TRIM26: variants seen among roughly 807,000 people sequenced by gnomAD.
TRIM26 encodes tripartite motif-containing protein 26.
A neutral mutation model predicts 45.5 loss-of-function variants in TRIM26; 16 were observed. That is an observed-to-expected ratio of 0.35 (90% CI 0.24 to 0.53). TRIM26 has a LOEUF of 0.53. Among genes scored for constraint, TRIM26 ranks in the 20% least tolerant of loss-of-function variants. The pLI is 0.92. For missense variants in TRIM26, 442 were observed against 691.1 expected, an observed-to-expected ratio of 0.64 and a Z score of 4.04; for synonymous variants, 273 against 290.4, an observed-to-expected ratio of 0.94 and a Z score of 0.61.
intron 2 of TRIM26, among the ~76,000 whole-genome samples, chr6:30,203,991 T>C (rs1371489006): frequency 6.6e-6 from 1 of 152,198 alleles, no homozygotes; most frequent in African/African-American, 2.4e-5. Context: ...ATCATGGTGC[T>C]TGACACCTTG....
chr6:30,190,255 A>G lies in TRIM26; in HGVS notation c.766-220T>C, dbSNP rs1775687507. The G allele has an allele frequency of 1.6e-6, 1 of 611,234 alleles. No individual in the cohort carries two copies. The highest frequency in any genetic ancestry group is 2.9e-6 in the Non-Finnish European group (1 of 343,568). 37.9% of individuals were successfully genotyped at this position (611,234 alleles called of 1,614,324 possible). A position where few individuals can be genotyped will look rare whatever the true frequency, so the allele number is the denominator to read the frequency against. ...GAAGCCACAATGGCTGGGAGATGAC[A>G]TGGGCAACCTCTCTGGGAGATACCT... is the stretch of plus-strand genomic sequence containing the variant. On this transcript the variant is annotated intron_variant, in intron 6 of 9. Coordinates refer to ENST00000454678, the MANE Select transcript of TRIM26 (RefSeq NM_003449.5). The surrounding 1 kb of genome is among the most constrained non-coding windows in gnomAD (Gnocchi z 4.3).
Position 30,196,636 on chromosome 6 carries a change from C to T in TRIM26, c.645G>A (p.Gln215=), listed in dbSNP as rs780179362. 2 of 1,614,214 alleles carry T rather than the reference C, an allele frequency of 1.2e-6. No individual in the cohort carries two copies. Among genetic ancestry groups the T allele is most frequent in the South Asian group, 1.1e-5 (1 of 91,084 alleles). ...HLLEQLAKLE[Q]ELTEGREKFK... ...ACTTCTCCCTGCCCTCCGTGAGCTC[C>T]TGCTCCAGCTTCGCCAGCTGTTCCA... Residue 215 remains glutamine (Q), a synonymous_variant, in exon 6 of 10, where the codon CAG becomes CAA. Transcript: ENST00000454678. The surrounding 1 kb of genome is among the most constrained non-coding windows in gnomAD (Gnocchi z 4.9).
chr6:30,186,091 C>G lies in TRIM26; in HGVS notation c.1405G>C (p.Gly469Arg). Residue 469 changes from glycine to arginine, a missense_variant, in exon 10 of 10, where the codon GGC becomes CGC. Transcript: ENST00000454678. The surrounding 1 kb of genome is among the most constrained non-coding windows in gnomAD (Gnocchi z 7.4). ...GVWALRLSSS[G>R]IWANTSPEAE... is the part of the protein sequence containing the mutation. ...TCGGGGCTGGTGTTGGCCCAGATGC[C>G]GGAGGAGGAGAGGCGCAGCGCCCAC... is the stretch of plus-strand genomic sequence containing the variant. 3 of 1,592,558 alleles carry G rather than the reference C, an allele frequency of 1.9e-6. No individual in the cohort carries two copies. The highest frequency in any genetic ancestry group is 2.6e-6 in the Non-Finnish European group (3 of 1,169,446).
Position 30,209,518 on chromosome 6 carries a change from C to T in TRIM26, c.-376+3787G>A, listed in dbSNP as rs1337509989. Among the ~76,000 whole-genome samples the T allele has an allele frequency of 2.0e-5, 3 of 152,196 alleles. No homozygotes were observed. Among genetic ancestry groups the T allele is most frequent in the Non-Finnish European group, 2.9e-5 (2 of 67,988 alleles). Reference sequence around the variant, plus strand: ...CTTGCAAGAGTCCATTGGCCAGAACCGTGAGCTGAATAAACATCTGTTGTT... The same window carrying T: ...CTTGCAAGAGTCCATTGGCCAGAACTGTGAGCTGAATAAACATCTGTTGTT... On this transcript the variant is annotated intron_variant, in intron 1 of 9. Coordinates refer to ENST00000454678, the MANE Select transcript of TRIM26 (RefSeq NM_003449.5). The surrounding 1 kb of genome is among the most constrained non-coding windows in gnomAD (Gnocchi z 4.8).
At chr6:30,187,917 C>CA (rs34936729) in intron 9 of TRIM26, among the ~76,000 whole-genome samples, 1,829 of 43,428 alleles carry the variant, frequency 0.042, 65 homozygotes, top group Non-Finnish European at 0.062. Flanking sequence ...GACTCCATCT[C>CA]AAAAAAAAAA....
At chr6:30,213,231 T>C (rs1326453765) in intron 1 of TRIM26, 74 bp downstream of exon 1, 1 of 152,230 alleles carries the variant, frequency 6.6e-6, no homozygotes, top group African/African-American at 2.4e-5. Flanking sequence ...GGCGGCTGCG[T>C]TGGGTCGCCC....
In TRIM26 at chr6:30,209,927, C is replaced by A. The variant is rs1032130436; in HGVS notation, c.-376+3378G>T. ...GCTGAGGTCAAAACTGCACAGGTGG[C>A]CGGGCACGGTGCCTCACGCCTGTAA... is the stretch of plus-strand genomic sequence containing the variant. On this transcript the variant is annotated intron_variant, in intron 1 of 9. Coordinates refer to ENST00000454678, the MANE Select transcript of TRIM26 (RefSeq NM_003449.5). The surrounding 1 kb of genome is among the most constrained non-coding windows in gnomAD (Gnocchi z 4.8). Among the ~76,000 whole-genome samples the A allele has an allele frequency of 3.9e-5, 6 of 152,134 alleles. No homozygotes were observed. The highest frequency in any genetic ancestry group is 1.4e-4 in the African/African-American group (6 of 41,436).
intron 2 of TRIM26, among the ~76,000 whole-genome samples, chr6:30,201,379 G>A (rs1157462141): frequency 6.6e-6 from 1 of 152,206 alleles, no homozygotes; most frequent in Non-Finnish European, 1.5e-5. Context: ...GATTCTTATA[G>A]TGCTGATAAT....
chr6:30,198,681 G>A lies in TRIM26; in HGVS notation c.423C>T (p.Ala141=), dbSNP rs569265754. The part of the protein sequence containing the change: ...RPHTAVLMEK[A]AQPHREKILN... ...GAGGGCTTACCCTGTGGGGCTGGGCGGCCTTCTCCATGAGGACGGCCGTGT... is the reference window on the plus strand; with the variant it reads ...GAGGGCTTACCCTGTGGGGCTGGGCAGCCTTCTCCATGAGGACGGCCGTGT... The change falls in exon 4 of 10, where the codon GCC becomes GCT. Residue 141 remains alanine, a synonymous_variant. Coordinates refer to ENST00000454678, the MANE Select transcript of TRIM26 (RefSeq NM_003449.5). This position sits in a 1 kb window ranked among gnomAD's most constrained non-coding sequence, Gnocchi z 6.3. The A allele has an allele frequency of 3.0e-4, 474 of 1,604,506 alleles. No homozygotes were observed. The South Asian group carries it at 4.3e-3, about 15-fold the overall frequency.
In TRIM26 at chr6:30,207,288, A is replaced by AT. The variant is rs960344825; in HGVS notation, c.-375-2524dup. Among the ~76,000 whole-genome samples the AT allele has an allele frequency of 2.0e-5, 3 of 152,218 alleles. No homozygotes were observed. Among genetic ancestry groups the AT allele is most frequent in the African/African-American group, 7.2e-5 (3 of 41,458 alleles). ...GTTATTCAACAGCTAGCAGATGTTT[A>AT]TTAGGTGCCGACTATGTGTCAGGCA... On this transcript the variant is annotated intron_variant, in intron 1 of 9. Coordinates refer to ENST00000454678, the MANE Select transcript of TRIM26 (RefSeq NM_003449.5). The surrounding 1 kb of genome is among the most constrained non-coding windows in gnomAD (Gnocchi z 4.9).
chr6:30,186,176 C>T lies in TRIM26; in HGVS notation c.1320G>A (p.Gly440=), dbSNP rs1775150324. Residue 440 remains glycine, a synonymous_variant, in exon 10 of 10, where the codon GGG becomes GGA. Coordinates refer to ENST00000454678, the MANE Select transcript of TRIM26 (RefSeq NM_003449.5). This position sits in a 1 kb window ranked among gnomAD's most constrained non-coding sequence, Gnocchi z 7.4. ...TCCTCTTCACAGAGTCTCTAGCCAC[C>T]CCCACCATGCAGCTTTCCAGAACTT... ...EEEVLESCMV[G]VARDSVKRKG... The T allele has an allele frequency of 1.3e-6, 2 of 1,597,244 alleles. No individual in the cohort carries two copies. Among genetic ancestry groups the T allele is most frequent in the Middle Eastern group, 1.6e-4 (1 of 6,068 alleles).
In TRIM26 at chr6:30,186,743, T is replaced by C. The variant is rs1775239003; in HGVS notation, c.938-185A>G. 2.0e-6 allele frequency: 2 copies of C among 998,134 alleles called. No individual in the cohort carries two copies. Among genetic ancestry groups the C allele is most frequent in the Non-Finnish European group, 2.9e-6 (2 of 678,500 alleles). 61.8% of individuals were successfully genotyped at this position (998,134 alleles called of 1,614,324 possible). ...CACATTTTCTGGCTTTGTATTCTGCTAAATCACCATAACTAAACTGCTTTA... is the reference window on the plus strand; with the variant it reads ...CACATTTTCTGGCTTTGTATTCTGCCAAATCACCATAACTAAACTGCTTTA... On this transcript the variant is annotated intron_variant, in intron 9 of 9. Transcript: ENST00000454678. This position sits in a 1 kb window ranked among gnomAD's most constrained non-coding sequence, Gnocchi z 7.4.
rs1776850092 is a variant in TRIM26, at chr6:30,199,262, C to T, written c.-159G>A. 1 of 607,476 alleles carries T rather than the reference C, an allele frequency of 1.6e-6. No individual in the cohort carries two copies. The highest frequency in any genetic ancestry group is 2.8e-6 in the Non-Finnish European group (1 of 359,220). 37.6% of individuals were successfully genotyped at this position (607,476 alleles called of 1,614,324 possible). A position where few individuals can be genotyped will look rare whatever the true frequency, so the allele number is the denominator to read the frequency against. ...TCAGTCAATCGACAGACACCACCAG[C>T]TCCTACAAGGTTCACACAATGTCAA... On this transcript the variant is annotated splice_region_variant and 5_prime_UTR_variant, in exon 4 of 10. Coordinates refer to ENST00000454678, the MANE Select transcript of TRIM26 (RefSeq NM_003449.5).
chr6:30,195,950 A>G (rs1176035473), intron 6 of TRIM26, among the ~76,000 whole-genome samples: 1 of 151,968 alleles, frequency 6.6e-6, no homozygotes, highest in Non-Finnish European at 1.5e-5. Context: ...CTTTCTCACT[A>G]TCAAAGCCCC....
chr6:30,189,793 G>A lies in TRIM26; in HGVS notation c.788+220C>T, dbSNP rs1186544109. On this transcript the variant is annotated intron_variant, in intron 7 of 9. Coordinates refer to ENST00000454678, the MANE Select transcript of TRIM26 (RefSeq NM_003449.5). This position sits in a 1 kb window ranked among gnomAD's most constrained non-coding sequence, Gnocchi z 5.0. Reference sequence around the variant, plus strand: ...CTGTCCCACCTCAAATAAGGCCAGTGGGCCAAGGAGCTGGGGCTACACAGA... The same window carrying A: ...CTGTCCCACCTCAAATAAGGCCAGTAGGCCAAGGAGCTGGGGCTACACAGA... 4.6e-6 allele frequency: 3 copies of A among 646,500 alleles called. No homozygotes were observed. The highest frequency in any genetic ancestry group is 7.9e-6 in the Non-Finnish European group (3 of 379,466). The allele number at this position is 646,500 out of a possible 1,614,324, so 40.0% of individuals were successfully genotyped here.
intron 1 of TRIM26, among the ~76,000 whole-genome samples, chr6:30,208,243 TAGAG>T (rs1044817713): frequency 3.3e-5 from 5 of 152,160 alleles, no homozygotes; most frequent in African/African-American, 9.7e-5. Context: ...AGTAAATTGG[TAGAG>T]AGAGAAGCAA....
rs1774968387 is a variant in TRIM26 at position 30,184,694 on chromosome 6, A to T, written c.*1182T>A. On this transcript the variant is annotated 3_prime_UTR_variant, in exon 10 of 10. Transcript: ENST00000454678. ...AGCCGTTGGAACAGTCTCTTAGAACAGGGTGGAGGACTTAAAACTTGGATG... is the reference window on the plus strand; with the variant it reads ...AGCCGTTGGAACAGTCTCTTAGAACTGGGTGGAGGACTTAAAACTTGGATG... The T allele has an allele frequency of 6.5e-6, 1 of 152,806 alleles. No individual in the cohort carries two copies. Among genetic ancestry groups the T allele is most frequent in the African/African-American group, 2.4e-5 (1 of 41,460 alleles). 9.5% of individuals were successfully genotyped at this position (152,806 alleles called of 1,614,324 possible).
At chr6:30,203,129 G>A (rs1117488) in intron 2 of TRIM26, among the ~76,000 whole-genome samples, 4 of 147,252 alleles carry the variant, frequency 2.7e-5, no homozygotes, top group Non-Finnish European at 5.9e-5. Context: ...CTGCAACCTC[G>A]GCCTCCCTGG....
rs1774995449 is a variant in TRIM26 at position 30,184,921 on chromosome 6, CCT to C, written c.*953_*954del. 6.5e-6 allele frequency: 1 copy of C among 152,878 alleles called. No homozygotes were observed. Among genetic ancestry groups the C allele is most frequent in the Non-Finnish European group, 1.5e-5 (1 of 68,236 alleles). The allele number at this position is 152,878 out of a possible 1,614,324, so 9.5% of individuals were successfully genotyped here. A position where few individuals can be genotyped will look rare whatever the true frequency, so the allele number is the denominator to read the frequency against. On this transcript the variant is annotated 3_prime_UTR_variant, in exon 10 of 10. Transcript: ENST00000454678. ...TGTGGCCTCCTGCTGCCTTCCTTTC[CCT>C]GTCTTCCCATCTCCACTCTCTCCTA...
Sources: allele counts gnomAD v4.1 joint callset (sites outside exome capture counted in the v4.1 genomes callset), GRCh38; gene constraint gnomAD v4.1.1; non-coding constraint Gnocchi (gnomAD v3.1); transcripts MANE v1.5; gene names NCBI Gene and HGNC (gene_info 2026-07-23, HGNC 2026-07-21).